The following PIGK variants were observed in gnomAD, a reference collection of about 807,000 sequenced individuals.
The protein encoded by PIGK is GPI-anchor transamidase.
Under a neutral mutation model 50.6 loss-of-function variants are expected in PIGK, and 42 were observed. The observed-to-expected ratio is 0.83, with a 90% CI of 0.65 to 1.07. PIGK has a LOEUF of 1.07. Ranked by LOEUF, PIGK falls within the 50% of genes least tolerant of loss-of-function variation. PIGK has a pLI of 0.00. For missense variants in PIGK, 448 were observed against 488.7 expected (o/e 0.92, Z 0.78); for synonymous variants, 151 against 156.0 (o/e 0.97, Z 0.24).
intron 9 of PIGK, among the ~76,000 whole-genome samples, chr1:77,151,405 C>T (rs1285684970): frequency 6.6e-6 from 1 of 152,046 alleles, no homozygotes; most frequent in African/African-American, 2.4e-5. Context: ...TAATGCGGAA[C>T]AACTGAAAGA....
chr1:77,127,833 G>A (rs1570203724), intron 9 of PIGK, among the ~76,000 whole-genome samples: 2 of 152,152 alleles, frequency 1.3e-5, no homozygotes, highest in African/African-American at 2.4e-5. Context: ...GGAAATAATA[G>A]AGAAATCAAA....
intron 9 of PIGK, among the ~76,000 whole-genome samples, chr1:77,132,819 T>A (rs779473100): frequency 6.6e-6 from 1 of 152,102 alleles, no homozygotes; most frequent in Non-Finnish European, 1.5e-5. Flanking sequence ...TAGAGAATGA[T>A]AGGTTAAAAG....
At chr1:77,180,744 A>G (rs1655593800) in intron 3 of PIGK, among the ~76,000 whole-genome samples, 3 of 152,130 alleles carry the variant, frequency 2.0e-5, no homozygotes, top group South Asian at 4.1e-4. Flanking sequence ...TCATAGGTAG[A>G]TAAGAGACAA....
chr1:77,174,530 T>C (rs1360888648), intron 3 of PIGK, among the ~76,000 whole-genome samples: 1 of 152,164 alleles, frequency 6.6e-6, no homozygotes, highest in Non-Finnish European at 1.5e-5. Flanking sequence ...ACAGCTTTGG[T>C]GTGTAATAAT....
chr1:77,140,302 T>C (rs1654621148), intron 9 of PIGK, among the ~76,000 whole-genome samples: 2 of 151,736 alleles, frequency 1.3e-5, no homozygotes, highest in African/African-American at 4.8e-5. Flanking sequence ...CCTCCCTCCC[T>C]CTCTCTCTTG....
At chr1:77,146,876 G>T (rs1654782022) in intron 9 of PIGK, among the ~76,000 whole-genome samples, 1 of 152,096 alleles carries the variant, frequency 6.6e-6, no homozygotes, top group African/African-American at 2.4e-5. Flanking sequence ...GGCTGAGGTG[G>T]GAGGATCACC....
chr1:77,155,150 T>C (rs1367857221), intron 8 of PIGK, among the ~76,000 whole-genome samples: 1 of 152,190 alleles, frequency 6.6e-6, no homozygotes, highest in Non-Finnish European at 1.5e-5. Context: ...CATATCCTCT[T>C]GCTCTCTGTT....
intron 3 of PIGK, among the ~76,000 whole-genome samples, chr1:77,176,191 G>C (rs1655486315): frequency 6.6e-6 from 1 of 152,022 alleles, no homozygotes; most frequent in Non-Finnish European, 1.5e-5. Flanking sequence ...TTCATATCAA[G>C]TGTTTAAAAC....
chr1:77,144,075 A>T (rs750336333), intron 9 of PIGK, among the ~76,000 whole-genome samples: 4 of 152,076 alleles, frequency 2.6e-5, no homozygotes, highest in Non-Finnish European at 5.9e-5. Context: ...AAGGTTACAT[A>T]GCTAGTAAAC....
Position 77,091,520 on chromosome 1 carries a change from T to C in PIGK, c.*854A>G, listed in dbSNP as rs1653297461. ...TGGCTCTCTCTTTCAAGATGGAAAATGAAGAGGACGTGACCAATTGTAGAA... is the reference window on the plus strand; with the variant it reads ...TGGCTCTCTCTTTCAAGATGGAAAACGAAGAGGACGTGACCAATTGTAGAA... On this transcript the variant is annotated 3_prime_UTR_variant, in exon 11 of 11. Coordinates refer to ENST00000370812, the MANE Select transcript of PIGK (RefSeq NM_005482.3). 1 of 152,090 alleles carries C rather than the reference T, an allele frequency of 6.6e-6. No individual in the cohort carries two copies. Among genetic ancestry groups the C allele is most frequent in the South Asian group, 2.1e-4 (1 of 4,820 alleles). The allele number at this position is 152,090 out of a possible 1,614,324, so 9.4% of individuals were successfully genotyped here.
intron 1 of PIGK, 57 bp downstream of exon 1, chr1:77,219,253 C>T: frequency 2.1e-6 from 3 of 1,412,958 alleles, no homozygotes; most frequent in Non-Finnish European, 3.0e-6. Context: ...TATCGGACAT[C>T]TGCTGGAGGG....
chr1:77,181,304 T>TA (rs536793474), intron 3 of PIGK, among the ~76,000 whole-genome samples: 506 of 151,730 alleles, frequency 3.3e-3, no homozygotes, highest in African/African-American at 0.012. Context: ...GACCGGTAGG[T>TA]AAAAAAAATA....
chr1:77,153,547 T>C, intron 9 of PIGK: 1 of 152,160 alleles, frequency 6.6e-6, no homozygotes, highest in East Asian at 1.9e-4. Flanking sequence ...ATATTCCAGT[T>C]ACCCTGATTT....
At chr1:77,138,123 C>T (rs190454907) in intron 9 of PIGK, among the ~76,000 whole-genome samples, 78 of 152,228 alleles carry the variant, frequency 5.1e-4, no homozygotes, top group Admixed American at 9.8e-4. Context: ...ATAAACTTCA[C>T]TCCTATGATA....
chr1:77,138,411 T>C (rs937772646), intron 9 of PIGK, among the ~76,000 whole-genome samples: 1 of 152,190 alleles, frequency 6.6e-6, no homozygotes, highest in Non-Finnish European at 1.5e-5. Flanking sequence ...ATGGATAGTG[T>C]TTGGTTAATA....
At chr1:77,101,982 G>A (rs914325407) in intron 10 of PIGK, among the ~76,000 whole-genome samples, 10 of 152,088 alleles carry the variant, frequency 6.6e-5, no homozygotes, top group East Asian at 3.9e-4. Context: ...CCAGCCTGGC[G>A]ACAGAGTGAG....
At chr1:77,209,543 G>C (rs1388247528) in intron 2 of PIGK, among the ~76,000 whole-genome samples, 1 of 152,076 alleles carries the variant, frequency 6.6e-6, no homozygotes, top group Non-Finnish European at 1.5e-5. Context: ...AGTCTTTCTG[G>C]AGGCAATCAT....
At position 77,219,309 on chromosome 1, in the gene PIGK, C is replaced by T; in HGVS notation, c.93+1G>A. The T allele has an allele frequency of 6.8e-6, 11 of 1,613,040 alleles. No individual in the cohort carries two copies. The highest frequency in any genetic ancestry group is 9.3e-6 in the Non-Finnish European group (11 of 1,179,182). ...TGTGGTCAAATGAGCCTGACTCCTA[C>T]CTCGATATGACTAGCGGCCACGCTG... On this transcript the variant is annotated splice_donor_variant, in intron 1 of 10. Coordinates refer to ENST00000370812, the MANE Select transcript of PIGK (RefSeq NM_005482.3). LOFTEE classifies it high-confidence loss of function.
chr1:77,189,732 TATATATATATATATATACAC>T (rs1203642023), intron 3 of PIGK, among the ~76,000 whole-genome samples: 78 of 32,566 alleles, frequency 2.4e-3, no homozygotes, highest in African/African-American at 8.2e-3. Context: ...TATATATATA[TATATATATATATATATACAC>T]ACACACACAC....
Sources: gnomAD v4.1 joint callset for allele counts (sites outside exome capture counted in the v4.1 genomes callset) on GRCh38, gnomAD v4.1.1 for gene constraint, MANE v1.5 for transcripts, NCBI Gene and HGNC (gene_info 2026-07-23, HGNC 2026-07-21) for gene names.